The following SLC9B1 variants were observed in gnomAD, a reference collection of about 807,000 sequenced individuals.
SLC9B1 encodes the protein sodium/hydrogen exchanger 9B1.
In SLC9B1, 32 loss-of-function variants were observed where a neutral mutation model predicts 51.7. The observed-to-expected ratio is 0.62, with a 90% CI of 0.47 to 0.83. The LOEUF (loss-of-function observed/expected upper bound fraction) is 0.83, where lower values mean the gene tolerates loss of function less well. SLC9B1 is among the 40% of genes least tolerant of loss of function. The pLI is 0.00. For missense variants in SLC9B1, 406 were observed against 613.2 expected (o/e 0.66, Z 3.57); for synonymous variants, 145 against 212.7 (o/e 0.68, Z 2.77).
At chr4:103,006,131 C>T (rs963249033) in intron 1 of SLC9B1, among the ~76,000 whole-genome samples, 2 of 151,374 alleles carry the variant, frequency 1.3e-5, no homozygotes, top group Admixed American at 1.3e-4. Context: ...ACATGACAAG[C>T]AATACAAAAA....
chr4:102,896,705 G>C (rs1734558237), downstream of SLC9B1: 1 of 152,192 alleles, frequency 6.6e-6, no homozygotes, highest in Non-Finnish European at 1.5e-5. Context: ...TTTACCGGGG[G>C]ACCCTTGGTT....
At chr4:102,960,654 A>G (rs1016125264) in intron 3 of SLC9B1, among the ~76,000 whole-genome samples, 1 of 152,084 alleles carries the variant, frequency 6.6e-6, no homozygotes, top group Non-Finnish European at 1.5e-5. Context: ...GAGTGGTAAG[A>G]TATGAGTTTA....
At chr4:102,926,707 A>G (rs1401460517) in intron 7 of SLC9B1, among the ~76,000 whole-genome samples, 1 of 152,214 alleles carries the variant, frequency 6.6e-6, no homozygotes, top group East Asian at 1.9e-4. Flanking sequence ...TATCCCCATC[A>G]AGCTACTAAT....
chr4:103,015,641 A>G (rs934705211), intron 1 of SLC9B1, among the ~76,000 whole-genome samples: 17 of 152,064 alleles, frequency 1.1e-4, no homozygotes, highest in African/African-American at 4.1e-4. Context: ...CCAAATGACT[A>G]TTTTGTATCT....
intron 11 of SLC9B1, among the ~76,000 whole-genome samples, chr4:102,903,002 G>A (rs567543578): frequency 9.2e-5 from 14 of 152,220 alleles, no homozygotes; most frequent in African/African-American, 2.9e-4. Flanking sequence ...TGACATTATC[G>A]TTATCTATTA....
At chr4:102,921,498 A>G (rs1735875236) in intron 7 of SLC9B1, among the ~76,000 whole-genome samples, 1 of 152,016 alleles carries the variant, frequency 6.6e-6, no homozygotes, top group East Asian at 1.9e-4. Context: ...AAGAAACTGC[A>G]TCAATTAACG....
chr4:102,958,437 C>T (rs1277282445), intron 3 of SLC9B1, among the ~76,000 whole-genome samples: 2 of 152,130 alleles, frequency 1.3e-5, no homozygotes, highest in Non-Finnish European at 2.9e-5. Context: ...ATTATCGAGT[C>T]TCAGGTATTT....
At chr4:102,986,248 G>T (rs1405934254) in intron 3 of SLC9B1, among the ~76,000 whole-genome samples, 1 of 108,518 alleles carries the variant, frequency 9.2e-6, no homozygotes, top group Non-Finnish European at 1.8e-5. Flanking sequence ...TTCTAAGGCT[G>T]GTGTTGTTTT....
intron 10 of SLC9B1, 56 bp downstream of exon 10, chr4:102,906,480 A>G: frequency 1.1e-6 from 1 of 876,716 alleles, no homozygotes; most frequent in Non-Finnish European, 1.7e-6. Flanking sequence ...AAATGTATTT[A>G]TAATTTTCTT....
chr4:102,899,436 CAG>C (rs1734688567), downstream of SLC9B1, among the ~76,000 whole-genome samples: 1 of 150,594 alleles, frequency 6.6e-6, no homozygotes, highest in South Asian at 2.1e-4. Context: ...TTTTTTGAGA[CAG>C]AGTCTTGCTC....
chr4:102,917,605 C>T (rs1735647187), intron 7 of SLC9B1, among the ~76,000 whole-genome samples: 1 of 151,878 alleles, frequency 6.6e-6, no homozygotes, highest in Non-Finnish European at 1.5e-5. Context: ...ACACAACATT[C>T]CAAAGCTTGT....
At chr4:102,956,703 T>A (rs972014417) in intron 3 of SLC9B1, among the ~76,000 whole-genome samples, 3 of 152,112 alleles carry the variant, frequency 2.0e-5, no homozygotes. Flanking sequence ...TATAGGCCAA[T>A]TACCAAAACA....
intron 11 of SLC9B1, among the ~76,000 whole-genome samples, chr4:102,904,581 T>C (rs1036771774): frequency 6.6e-6 from 1 of 152,128 alleles, no homozygotes; most frequent in African/African-American, 2.4e-5. Context: ...CAGTGGGTTA[T>C]GCTCATAATC....
intron 3 of SLC9B1, among the ~76,000 whole-genome samples, chr4:102,986,985 T>C (rs1452595557): frequency 6.6e-6 from 1 of 152,228 alleles, no homozygotes; most frequent in African/African-American, 2.4e-5. Context: ...TCCATTTCTT[T>C]AAACTGTGTT....
chr4:102,939,033 G>A (rs917661779), intron 6 of SLC9B1, among the ~76,000 whole-genome samples: 20 of 150,986 alleles, frequency 1.3e-4, no homozygotes, highest in African/African-American at 4.6e-4. Flanking sequence ...AATCAGAGCA[G>A]AATGGAATGA....
chr4:102,957,664 C>T (rs949232062), intron 3 of SLC9B1, among the ~76,000 whole-genome samples: 2 of 152,000 alleles, frequency 1.3e-5, no homozygotes, highest in African/African-American at 4.8e-5. Flanking sequence ...AAATAAAATG[C>T]TTTTAAGATA....
intron 6 of SLC9B1, among the ~76,000 whole-genome samples, chr4:102,944,070 T>A (rs942049683): frequency 3.3e-5 from 5 of 152,022 alleles, no homozygotes; most frequent in African/African-American, 1.2e-4. Flanking sequence ...CGAGATCATG[T>A]CCTTTGGAGC....
intron 1 of SLC9B1, chr4:103,015,028 T>C (rs1012968390): frequency 5.3e-5 from 8 of 152,148 alleles, no homozygotes; most frequent in African/African-American, 1.4e-4. Flanking sequence ...GTTATTAAAG[T>C]CAATGCAGAT....
At chr4:102,994,096 T>C (rs2110521913) in intron 1 of SLC9B1, among the ~76,000 whole-genome samples, 1 of 152,284 alleles carries the variant, frequency 6.6e-6, no homozygotes, top group African/African-American at 2.4e-5. Flanking sequence ...TGACTCCTCA[T>C]TACTTATGCA....
Sources: gnomAD v4.1 joint callset for allele counts (sites outside exome capture counted in the v4.1 genomes callset) on GRCh38, gnomAD v4.1.1 for gene constraint, MANE v1.5 for transcripts, NCBI Gene and HGNC (gene_info 2026-07-23, HGNC 2026-07-21) for gene names.